Variants in STRIP2 observed in about 807,000 individuals in gnomAD.
STRIP2 encodes striatin interacting protein 2.
A neutral mutation model predicts 107.1 loss-of-function variants in STRIP2; 84 were observed. The observed-to-expected ratio is 0.78, with a 90% CI of 0.66 to 0.94. The LOEUF is 0.94. Ranked by LOEUF, STRIP2 falls within the 40% of genes least tolerant of loss-of-function variation. The pLI is 0.00. For synonymous variants in STRIP2, 394 were observed against 400.4 expected, an observed-to-expected ratio of 0.98 and a Z score of 0.19; for missense variants, 888 against 1,034.2, an observed-to-expected ratio of 0.86 and a Z score of 1.94.
chr7:129,459,124 G>A (rs927242021), intron 11 of STRIP2, among the ~76,000 whole-genome samples: 9 of 152,110 alleles, frequency 5.9e-5, no homozygotes, highest in Non-Finnish European at 1.3e-4. Context: ...CAAGAGACAT[G>A]GTCAGAACGG....
chr7:129,437,812 T>G (rs926326259), intron 1 of STRIP2, among the ~76,000 whole-genome samples: 2 of 143,964 alleles, frequency 1.4e-5, no homozygotes, highest in Non-Finnish European at 3.1e-5. Context: ...TTTTTTTTTG[T>G]TTTTTTTTTT....
chr7:129,445,748 G>A (rs1190103384), intron 3 of STRIP2, among the ~76,000 whole-genome samples: 1 of 152,180 alleles, frequency 6.6e-6, no homozygotes, highest in African/African-American at 2.4e-5. Flanking sequence ...ATGAGCATGA[G>A]CCCACTGCCA....
rs1389582847 is a variant in STRIP2 at position 129,458,717 on chromosome 7, A to C, written c.1280A>C (p.Lys427Thr). The stretch of plus-strand genomic sequence containing the variant: ...TCTTTCCACCATCCTCTCAGACAGA[A>C]GGACATTGAGCACTTCTTGGAGATG... Reference protein sequence around the residue: ...GLPWAPKVRQKDIEHFLEMSR... With the variant: ...GLPWAPKVRQTDIEHFLEMSR... The change falls in exon 11 of 21, where the codon AAG becomes ACG. Residue 427 changes from lysine (K) to threonine (T), a missense_variant. Lys to Thr is a moderately conservative substitution (Grantham distance 78). Transcript: ENST00000249344. The surrounding 1 kb of genome is among the most constrained non-coding windows in gnomAD (Gnocchi z 4.6). 6.2e-7 allele frequency: 1 copy of C among 1,614,202 alleles called. No individual in the cohort carries two copies.
intron 1 of STRIP2, 37 bp downstream of exon 1, chr7:129,434,638 A>G: frequency 1.4e-6 from 2 of 1,438,730 alleles, no homozygotes; most frequent in Non-Finnish European, 1.8e-6. Context: ...GGGCCCGGAG[A>G]CGCCCGCCGG....
At chr7:129,464,415 G>A (rs1334220873) in intron 15 of STRIP2, among the ~76,000 whole-genome samples, 197 bp from the exon 16 acceptor site, 5 of 151,892 alleles carry the variant, frequency 3.3e-5, no homozygotes, top group South Asian at 2.1e-4. Context: ...AAAGAGAGAC[G>A]GAAACAAAGA....
In STRIP2 at chr7:129,476,377, A is replaced by G. The variant is rs1426440462; in HGVS notation, c.1945-4408A>G. Among the ~76,000 whole-genome samples, 35 of 136,884 alleles carry G rather than the reference A, an allele frequency of 2.6e-4. 1 individual carries two copies. Among genetic ancestry groups the G allele is most frequent in the Non-Finnish European group, 1.9e-4 (12 of 63,132 alleles). The allele number at this position is 136,884 out of a possible 152,430, so 89.8% of individuals were successfully genotyped here. A position where few individuals can be genotyped will look rare whatever the true frequency, so the allele number is the denominator to read the frequency against. ...CGGGCGGAGGGGCTCCTCACTTCTCAGACGGGGCGGCTGCCGGGCGGAGGG... is the reference window on the plus strand; with the variant it reads ...CGGGCGGAGGGGCTCCTCACTTCTCGGACGGGGCGGCTGCCGGGCGGAGGG... On this transcript the variant is annotated intron_variant, in intron 18 of 20. Coordinates refer to ENST00000249344, the MANE Select transcript of STRIP2 (RefSeq NM_020704.3).
intron 18 of STRIP2, among the ~76,000 whole-genome samples, chr7:129,475,841 A>T (rs1798910316): frequency 6.6e-6 from 1 of 152,172 alleles, no homozygotes; most frequent in Non-Finnish European, 1.5e-5. Context: ...TTTAACCCTG[A>T]GTGGACACAG....
intron 3 of STRIP2, among the ~76,000 whole-genome samples, chr7:129,450,068 C>G (rs2150993594): frequency 6.6e-6 from 1 of 152,330 alleles, no homozygotes; most frequent in East Asian, 1.9e-4. Context: ...ACTCTCTAAA[C>G]AGTTTCCACC....
chr7:129,478,029 G>A (rs1584970650), intron 18 of STRIP2: 1 of 417,686 alleles, frequency 2.4e-6, no homozygotes, highest in South Asian at 1.9e-5. Flanking sequence ...GCAACCAGCG[G>A]GCAACAGAAG....
chr7:129,436,796 T>A (rs186550440), intron 1 of STRIP2, among the ~76,000 whole-genome samples: 1 of 152,318 alleles, frequency 6.6e-6, no homozygotes, highest in East Asian at 1.9e-4. Context: ...TCATCGTGTA[T>A]CACTGTTTAT....
chr7:129,446,823 G>A (rs920504677), intron 3 of STRIP2, among the ~76,000 whole-genome samples: 13 of 152,148 alleles, frequency 8.5e-5, no homozygotes, highest in African/African-American at 2.7e-4. Flanking sequence ...ATTTGATGAT[G>A]GAATGCTGCT....
rs201073196 is a variant in STRIP2 at position 129,467,414 on chromosome 7, A to G, written c.1841A>G (p.Asn614Ser). 9.9e-6 allele frequency: 16 copies of G among 1,613,736 alleles called. No homozygotes were observed. Among genetic ancestry groups the G allele is most frequent in the South Asian group, 4.4e-5 (4 of 91,062 alleles). ...ATCCCCTTGATCCTGAAGTTCTTCA[A>G]TCAAAATATCTTGTCATACATCACT... ...NCIPLILKFF[N>S]QNILSYITAK... The change falls in exon 17 of 21, where the codon AAT (asparagine) becomes AGT (serine). Residue 614 changes from asparagine (N) to serine (S), a missense_variant. Transcript: ENST00000249344.
At chr7:129,435,888 A>G (rs1184062775) in intron 1 of STRIP2, among the ~76,000 whole-genome samples, 2 of 152,068 alleles carry the variant, frequency 1.3e-5, no homozygotes, top group South Asian at 2.1e-4. Flanking sequence ...AAGTGATTTC[A>G]TGTATGCTTT....
At chr7:129,445,563 A>G (rs1043281559) in intron 3 of STRIP2, among the ~76,000 whole-genome samples, 1 of 152,018 alleles carries the variant, frequency 6.6e-6, no homozygotes, top group Non-Finnish European at 1.5e-5. Flanking sequence ...GACTATGGGA[A>G]AAACAGTACC....
intron 3 of STRIP2, among the ~76,000 whole-genome samples, chr7:129,446,249 CCTT>C (rs915386516): frequency 1.3e-5 from 2 of 152,202 alleles, no homozygotes; most frequent in African/African-American, 4.8e-5. Flanking sequence ...TTATTAAACT[CCTT>C]CTCTGCTTTG....
chr7:129,482,825 C>T lies in STRIP2; in HGVS notation c.2050-17C>T, dbSNP rs770228791. The T allele has an allele frequency of 1.9e-6, 3 of 1,612,408 alleles. No homozygotes were observed. Among genetic ancestry groups the T allele is most frequent in the African/African-American group, 2.7e-5 (2 of 74,902 alleles). On this transcript the variant is annotated splice_polypyrimidine_tract_variant and intron_variant, in intron 19 of 20. Coordinates refer to ENST00000249344, the MANE Select transcript of STRIP2 (RefSeq NM_020704.3). ...AGAAACGTTAGATCTTTACCCCACC[C>T]CTCTTTCAATGAACAGATGCTGGTA...
At chr7:129,467,183 G>T (rs754056397) in intron 16 of STRIP2, among the ~76,000 whole-genome samples, 167 bp from the exon 17 acceptor site, 1 of 152,154 alleles carries the variant, frequency 6.6e-6, no homozygotes. Flanking sequence ...GGATGGGCTG[G>T]CTGAAGATGA....
intron 1 of STRIP2, 85 bp downstream of exon 1, chr7:129,434,686 G>A (rs1420051871): frequency 1.8e-5 from 24 of 1,362,976 alleles, no homozygotes; most frequent in African/African-American, 9.2e-5. Context: ...CCTCGGCCCC[G>A]GAGCCCTCGG....
chr7:129,437,549 G>A (rs926428554), intron 1 of STRIP2, among the ~76,000 whole-genome samples: 8 of 151,940 alleles, frequency 5.3e-5, no homozygotes, highest in Non-Finnish European at 1.2e-4. Flanking sequence ...TGTGTGTGCT[G>A]GGACGTAATG....
Sources: gnomAD v4.1 joint callset for allele counts (sites outside exome capture counted in the v4.1 genomes callset) on GRCh38, gnomAD v4.1.1 for gene constraint, Gnocchi (gnomAD v3.1) non-coding constraint, MANE v1.5 for transcripts, NCBI Gene and HGNC (gene_info 2026-07-23, HGNC 2026-07-21) for gene names.